Variants in ARMH1 observed in about 807,000 individuals in gnomAD.
ARMH1 encodes the protein armadillo-like helical domain containing protein 1.
ARMH1 carries 34 observed loss-of-function variants against 50.2 expected under a neutral mutation model. That is an observed-to-expected ratio of 0.68 (90% confidence interval 0.51 to 0.90). The LOEUF (loss-of-function observed/expected upper bound fraction) is 0.90, where lower values mean the gene tolerates loss of function less well. Ranked by LOEUF, ARMH1 falls within the 40% of genes least tolerant of loss-of-function variation. The pLI is 0.00. For missense variants in ARMH1, 538 were observed against 553.9 expected (o/e 0.97, Z 0.29); for synonymous variants, 221 against 224.2 (o/e 0.99, Z 0.13).
In ARMH1 at chr1:44,701,012, G is replaced by A. The variant is rs775159506; in HGVS notation, c.532G>A (p.Gly178Ser). 3.7e-5 allele frequency: 58 copies of A among 1,551,500 alleles called. No homozygotes were observed. The highest frequency in any genetic ancestry group is 1.5e-4 in the African/African-American group (11 of 73,000). The change falls in exon 5 of 12, where the codon GGC becomes AGC. Residue 178 changes from glycine (G) to serine (S), a missense_variant. Transcript: ENST00000535358. Reference sequence around the variant, plus strand: ...GGTTCTGTTGGATTCTTTGGTCCACGGCAATCCCAAGTACCAAAATCAAGT... The same window carrying A: ...GGTTCTGTTGGATTCTTTGGTCCACAGCAATCCCAAGTACCAAAATCAAGT... ...VQVLLDSLVH[G>S]NPKYQNQVYK...
chr1:44,682,066 TC>T lies in ARMH1; in HGVS notation c.-23+7196del, dbSNP rs1258683984. ...GGTCTATGTTTGTCACGTTAACCAATCCCAAGCCCAGTGCTCGGCTCAGAGT... is the reference window on the plus strand; with the variant it reads ...GGTCTATGTTTGTCACGTTAACCAATCCAAGCCCAGTGCTCGGCTCAGAGT... On this transcript the variant is annotated intron_variant, in intron 1 of 11. Transcript: ENST00000535358. This position sits in a 1 kb window ranked among gnomAD's most constrained non-coding sequence, Gnocchi z 4.5. Among the ~76,000 whole-genome samples, 1 of 152,186 alleles carries T rather than the reference TC, an allele frequency of 6.6e-6. No individual in the cohort carries two copies. Among genetic ancestry groups the T allele is most frequent in the Non-Finnish European group, 1.5e-5 (1 of 68,026 alleles).
intron 4 of ARMH1, among the ~76,000 whole-genome samples, chr1:44,698,640 G>A (rs1239587969): frequency 1.3e-5 from 2 of 149,614 alleles, no homozygotes; most frequent in Admixed American, 6.7e-5. Flanking sequence ...GAGAAACCCC[G>A]TCTCTACTAA....
chr1:44,697,251 G>A, intron 3 of ARMH1, 81 bp downstream of exon 3: 2 of 1,108,396 alleles, frequency 1.8e-6, no homozygotes, highest in Non-Finnish European at 1.3e-6. Context: ...CACCACCCAG[G>A]GCCACGGATT....
chr1:44,693,241 C>G (rs1645717384), intron 2 of ARMH1, among the ~76,000 whole-genome samples: 2 of 152,176 alleles, frequency 1.3e-5, no homozygotes, highest in Non-Finnish European at 2.9e-5. Context: ...TATAACCTGG[C>G]TCCTGTCCCC....
rs1239485657 is a variant in ARMH1 at position 44,681,679 on chromosome 1, A to G, written c.-23+6806A>G. Among the ~76,000 whole-genome samples, 2 of 152,080 alleles carry G rather than the reference A, an allele frequency of 1.3e-5. No individual in the cohort carries two copies. The highest frequency in any genetic ancestry group is 2.9e-5 in the Non-Finnish European group (2 of 68,012). On this transcript the variant is annotated intron_variant, in intron 1 of 11. Transcript: ENST00000535358. The surrounding 1 kb of genome is among the most constrained non-coding windows in gnomAD (Gnocchi z 4.3). ...AGGAGAAGGATGGATGTGGATAGAG[A>G]TGAAGAAAGAAGAGGAGTATGACGA...
rs1432786460 is a variant in ARMH1, at chr1:44,682,874, A to C, written c.-22-6802A>C. 1.3e-5 allele frequency among the ~76,000 whole-genome samples: 2 copies of C among 152,182 alleles called. No homozygotes were observed. ...AGGATCACTCGAGCCCAGGCGATTG[A>C]GGCTGCGGTAAGTTATGATTGTGCC... On this transcript the variant is annotated intron_variant, in intron 1 of 11. Coordinates refer to ENST00000535358, the MANE Select transcript of ARMH1 (RefSeq NM_001145636.2). The surrounding 1 kb of genome is among the most constrained non-coding windows in gnomAD (Gnocchi z 4.5).
chr1:44,716,117 C>T (rs1030485036), intron 6 of ARMH1, among the ~76,000 whole-genome samples: 6 of 151,932 alleles, frequency 3.9e-5, no homozygotes, highest in Admixed American at 6.6e-5. Flanking sequence ...TATACATTCC[C>T]ATTCCTCTAC....
chr1:44,717,931 G>A (rs1330562817), intron 6 of ARMH1, among the ~76,000 whole-genome samples: 1 of 152,218 alleles, frequency 6.6e-6, no homozygotes, highest in East Asian at 1.9e-4. Flanking sequence ...TTCACTTTGG[G>A]TATAAACAGT....
chr1:44,721,249 G>C (rs899154503), intron 6 of ARMH1, among the ~76,000 whole-genome samples: 1 of 152,126 alleles, frequency 6.6e-6, no homozygotes, highest in African/African-American at 2.4e-5. Flanking sequence ...CTCAAGTGTT[G>C]AATGTGGACA....
chr1:44,677,692 C>G (rs1322500034), intron 1 of ARMH1, among the ~76,000 whole-genome samples: 2 of 152,120 alleles, frequency 1.3e-5, no homozygotes, highest in African/African-American at 4.8e-5. Context: ...TGAACTCCCC[C>G]TGGATGATAG....
chr1:44,706,754 C>A (rs1646362134), intron 6 of ARMH1, among the ~76,000 whole-genome samples: 1 of 152,084 alleles, frequency 6.6e-6, no homozygotes, highest in South Asian at 2.1e-4. Context: ...AGTGTCCTGG[C>A]TGGAGAGGAG....
chr1:44,697,364 G>A (rs1045172176), intron 3 of ARMH1, among the ~76,000 whole-genome samples, 194 bp downstream of exon 3: 10 of 151,824 alleles, frequency 6.6e-5, no homozygotes, highest in African/African-American at 1.9e-4. Flanking sequence ...CTCCAGTGGC[G>A]CTTCACTAGT....
intron 2 of ARMH1, among the ~76,000 whole-genome samples, chr1:44,691,013 A>G (rs1645642129): frequency 6.6e-6 from 1 of 151,708 alleles, no homozygotes. Flanking sequence ...TAATCCCAAC[A>G]CTTTGGGAGG....
rs139520819 is a variant in ARMH1, at chr1:44,717,668, C to A, written c.725-6454C>A. On this transcript the variant is annotated intron_variant, in intron 6 of 11. Transcript: ENST00000535358. ...CCTCTTCATAGCCCTAGCCCAGAGG[C>A]CTGGCACAGACAAGATGCTCAATGA... 1.8e-3 allele frequency among the ~76,000 whole-genome samples: 271 copies of A among 152,330 alleles called. 1 individual carries two copies. The highest frequency in any genetic ancestry group is 2.7e-3 in the Non-Finnish European group (185 of 68,032).
At chr1:44,711,304 C>G (rs574729073) in intron 6 of ARMH1, among the ~76,000 whole-genome samples, 11 of 152,324 alleles carry the variant, frequency 7.2e-5, no homozygotes, top group Non-Finnish European at 7.3e-5. Context: ...ATTTTACATT[C>G]CCAGTAGCAG....
At chr1:44,680,005 T>C (rs1451095007) in intron 1 of ARMH1, among the ~76,000 whole-genome samples, 1 of 152,148 alleles carries the variant, frequency 6.6e-6, no homozygotes, top group Non-Finnish European at 1.5e-5. Flanking sequence ...TGCAAACCCC[T>C]AGTTGTCCCA....
intron 6 of ARMH1, among the ~76,000 whole-genome samples, chr1:44,704,517 G>GT (rs138347198): frequency 0.41 from 60,045 of 146,484 alleles, 12,527 homozygotes; most frequent in East Asian, 0.76. Flanking sequence ...TTTTTGCTGG[G>GT]TTTTTTTTTT....
intron 6 of ARMH1, chr1:44,721,645 C>T (rs1042093582): frequency 4.6e-5 from 7 of 152,178 alleles, no homozygotes; most frequent in East Asian, 1.9e-4. Context: ...GGGAGGATTG[C>T]TTGAGCATGG....
At chr1:44,712,741 G>A (rs1018453533) in intron 6 of ARMH1, among the ~76,000 whole-genome samples, 1 of 149,300 alleles carries the variant, frequency 6.7e-6, no homozygotes, top group African/African-American at 2.5e-5. Context: ...TTGGCTCACT[G>A]GAACCTCTGC....
Sources: gnomAD v4.1 joint callset for allele counts (sites outside exome capture counted in the v4.1 genomes callset) on GRCh38, gnomAD v4.1.1 for gene constraint, Gnocchi (gnomAD v3.1) non-coding constraint, MANE v1.5 for transcripts, NCBI Gene and HGNC (gene_info 2026-07-23, HGNC 2026-07-21) for gene names.